The following RORA variants were observed in gnomAD, a reference collection of about 807,000 sequenced individuals.
The protein encoded by RORA is RAR related orphan receptor A, also known as nuclear receptor ROR-alpha.
RORA carries 7 observed loss-of-function variants against 69.5 expected under a neutral mutation model. The ratio of observed to expected loss-of-function variants is 0.10; its 90% CI spans 0.06 to 0.19. RORA has a LOEUF of 0.19. Among genes scored for constraint, RORA ranks in the 10% least tolerant of loss-of-function variants. RORA has a pLI of 1.00. For missense variants in RORA, 457 were observed against 663.0 expected, an observed-to-expected ratio of 0.69 and a Z score of 3.41; for synonymous variants, 261 against 240.8, an observed-to-expected ratio of 1.08 and a Z score of -0.78.
At chr15:61,071,856 T>G (rs571305176) in intron 1 of RORA, among the ~76,000 whole-genome samples, 2 of 152,012 alleles carry the variant, frequency 1.3e-5, no homozygotes, top group African/African-American at 4.8e-5. Flanking sequence ...TCCTGGAGAT[T>G]TGCAATAGGT....
At position 61,036,312 on chromosome 15, in the gene RORA, G is replaced by A. The variant is rs984302419; in HGVS notation, c.166+192741C>T. Among the ~76,000 whole-genome samples the A allele has an allele frequency of 2.2e-4, 34 of 152,252 alleles. No individual in the cohort carries two copies. The East Asian group carries it at 6.4e-3, about 29-fold the overall frequency. ...GCAAGAGGATGCAATCCTCTTTAGA[G>A]GAAGTAGAGGTTTGCCTTGTTGCTA... On this transcript the variant is annotated intron_variant, in intron 1 of 10. Coordinates refer to ENST00000335670, the MANE Select transcript of RORA (RefSeq NM_134261.3).
At chr15:61,048,344 C>T (rs1201497323) in intron 1 of RORA, among the ~76,000 whole-genome samples, 1 of 152,156 alleles carries the variant, frequency 6.6e-6, no homozygotes, top group Non-Finnish European at 1.5e-5. Flanking sequence ...AACACTGTGT[C>T]CTGGTTTCAT....
intron 1 of RORA, among the ~76,000 whole-genome samples, chr15:61,034,247 A>G (rs1896335900): frequency 1.3e-5 from 2 of 152,152 alleles, no homozygotes; most frequent in African/African-American, 2.4e-5. Context: ...ACTAAGGGGG[A>G]AAAAGAGGAA....
At chr15:60,632,033 G>GC (rs1294699186) in intron 2 of RORA, among the ~76,000 whole-genome samples, 1 of 151,994 alleles carries the variant, frequency 6.6e-6, no homozygotes, top group Non-Finnish European at 1.5e-5. Flanking sequence ...AAACTAGAAA[G>GC]CCCCAAGAGA....
At chr15:60,786,232 C>T (rs187350971) in intron 1 of RORA, among the ~76,000 whole-genome samples, 92 of 152,292 alleles carry the variant, frequency 6.0e-4, no homozygotes, top group Middle Eastern at 6.8e-3. Flanking sequence ...GGACAAGCCA[C>T]TAAATACATC....
intron 1 of RORA, among the ~76,000 whole-genome samples, chr15:61,066,435 T>TC (rs2140566491): frequency 6.9e-6 from 1 of 144,720 alleles, no homozygotes; most frequent in South Asian, 2.3e-4. Flanking sequence ...TTTTTTTTTT[T>TC]TTTTTTTTGA....
intron 10 of RORA, among the ~76,000 whole-genome samples, chr15:60,498,657 A>G (rs941904932): frequency 6.6e-6 from 1 of 152,212 alleles, no homozygotes; most frequent in Non-Finnish European, 1.5e-5. Flanking sequence ...TCTTGTCCAC[A>G]TGTTAAGTGC....
rs531771106 is a variant in RORA, at chr15:60,493,299, C to CAA, written c.*4154_*4155dup. The CAA allele has an allele frequency of 6.6e-6, 1 of 150,670 alleles. No individual in the cohort carries two copies. The highest frequency in any genetic ancestry group is 2.4e-5 in the African/African-American group (1 of 40,954). 9.3% of individuals were successfully genotyped at this position (150,670 alleles called of 1,614,324 possible). The stretch of plus-strand genomic sequence containing the variant: ...CCTTAGCCAAAAACAAAAGGCAAAA[C>CAA]AAAAAAAACCAAAAAACAAAAAAAC... On this transcript the variant is annotated 3_prime_UTR_variant, in exon 11 of 11. Coordinates refer to ENST00000335670, the MANE Select transcript of RORA (RefSeq NM_134261.3).
At chr15:60,885,009 T>C (rs921534315) in intron 1 of RORA, among the ~76,000 whole-genome samples, 10 of 152,212 alleles carry the variant, frequency 6.6e-5, no homozygotes, top group Admixed American at 5.2e-4. Flanking sequence ...AGCCCTGTCT[T>C]TAAAAGCAGC....
chr15:60,802,853 G>A (rs967919300), intron 1 of RORA, among the ~76,000 whole-genome samples: 4 of 152,098 alleles, frequency 2.6e-5, no homozygotes, highest in African/African-American at 9.7e-5. Flanking sequence ...AGTATGTACA[G>A]TTTCCTGGAG....
Position 61,190,980 on chromosome 15 carries a change from T to A in RORA, c.166+38073A>T, listed in dbSNP as rs1473150751. Among the ~76,000 whole-genome samples, 3 of 152,152 alleles carry A rather than the reference T, an allele frequency of 2.0e-5. No individual in the cohort carries two copies. In the East Asian group the frequency reaches 5.8e-4, roughly 29 times the overall value. On this transcript the variant is annotated intron_variant, in intron 1 of 10. Coordinates refer to ENST00000335670, the MANE Select transcript of RORA (RefSeq NM_134261.3). ...ATCGTTAGTAGCTCGTAAGCTGATT[T>A]TTAGCCTTTCAGCTGAGAGGAAATG...
intron 1 of RORA, among the ~76,000 whole-genome samples, chr15:60,989,064 G>C (rs1272190347): frequency 1.3e-5 from 2 of 152,170 alleles, no homozygotes; most frequent in Non-Finnish European, 2.9e-5. Flanking sequence ...TTTCTATTCA[G>C]GTGAAAGGTC....
intron 1 of RORA, among the ~76,000 whole-genome samples, chr15:61,072,098 T>C (rs766454790): frequency 4.6e-5 from 7 of 152,210 alleles, no homozygotes; most frequent in South Asian, 2.1e-4. Context: ...TTGCTCCCAA[T>C]AGAACTCTAA....
intron 1 of RORA, among the ~76,000 whole-genome samples, chr15:60,743,908 C>T (rs1338087292): frequency 6.6e-6 from 1 of 152,046 alleles, no homozygotes. Flanking sequence ...CAATCAGAGT[C>T]ATGGAATGGG....
intron 1 of RORA, among the ~76,000 whole-genome samples, chr15:60,893,960 A>G (rs533222854): frequency 6.6e-6 from 1 of 152,288 alleles, no homozygotes; most frequent in Admixed American, 6.5e-5. Context: ...GGGCCCCTTC[A>G]TCTTCTTCAC....
intron 1 of RORA, among the ~76,000 whole-genome samples, chr15:61,219,923 C>T (rs1384964978): frequency 1.3e-5 from 2 of 152,156 alleles, no homozygotes; most frequent in East Asian, 1.9e-4. Flanking sequence ...TTCAGTGTAG[C>T]TTCAGTTCTT....
At chr15:60,884,151 T>A (rs973507198) in intron 1 of RORA, among the ~76,000 whole-genome samples, 2 of 151,434 alleles carry the variant, frequency 1.3e-5, no homozygotes, top group Admixed American at 6.6e-5. Context: ...ATAAAAGAGC[T>A]ATGCTGTGGT....
intron 1 of RORA, among the ~76,000 whole-genome samples, chr15:60,911,705 T>TTTG (rs992831408): frequency 4.9e-5 from 3 of 61,226 alleles, no homozygotes; most frequent in Non-Finnish European, 1.1e-4. Flanking sequence ...GATTTTTGAT[T>TTTG]TTTTTTTTTT....
chr15:60,924,845 G>A (rs902708252), intron 1 of RORA, among the ~76,000 whole-genome samples: 4 of 152,068 alleles, frequency 2.6e-5, no homozygotes, highest in Admixed American at 6.6e-5. Context: ...TTGGGAGGCC[G>A]AGGTGGGAAG....
Sources: gnomAD v4.1 joint callset for allele counts (sites outside exome capture counted in the v4.1 genomes callset) on GRCh38, gnomAD v4.1.1 for gene constraint, MANE v1.5 for transcripts, NCBI Gene and HGNC (gene_info 2026-07-23, HGNC 2026-07-21) for gene names.